Variants in DPP6 observed in about 807,000 individuals in gnomAD.
The protein encoded by DPP6 is dipeptidyl peptidase like 6.
DPP6 carries 69 observed loss-of-function variants against 122.6 expected under a neutral mutation model. That is an observed-to-expected ratio of 0.56 (90% CI 0.46 to 0.69). The LOEUF (loss-of-function observed/expected upper bound fraction) is 0.69, where lower values mean the gene tolerates loss of function less well. Among genes scored for constraint, DPP6 ranks in the 30% least tolerant of loss-of-function variants. The pLI is 0.00. For synonymous variants in DPP6, 418 were observed against 433.1 expected, an observed-to-expected ratio of 0.97 and a Z score of 0.43; for missense variants, 928 against 1,116.9, an observed-to-expected ratio of 0.83 and a Z score of 2.41.
chr7:153,761,969 G>A, the DPP6 span, among the ~76,000 whole-genome samples: 2 of 152,096 alleles, frequency 1.3e-5, no homozygotes, highest in East Asian at 1.9e-4. Flanking sequence ...GGAAAGAGTG[G>A]TCAGTGTGGT....
chr7:153,886,853 C>G (rs1162904083), upstream of DPP6, among the ~76,000 whole-genome samples: 2 of 152,168 alleles, frequency 1.3e-5, no homozygotes, highest in East Asian at 3.9e-4. Context: ...CCCGGCCTCT[C>G]CCTTCTCTCG....
intron 1 of DPP6, among the ~76,000 whole-genome samples, chr7:154,060,606 C>T (rs1286583464): frequency 1.2e-4 from 15 of 125,464 alleles, no homozygotes; most frequent in African/African-American, 4.6e-4. Flanking sequence ...TCCCTCTTCC[C>T]CCCCCTGGCT....
At chr7:154,517,364 G>A (rs139012985) in intron 3 of DPP6, among the ~76,000 whole-genome samples, 114 of 152,246 alleles carry the variant, frequency 7.5e-4, no homozygotes, top group African/African-American at 2.7e-3. Flanking sequence ...CTACAGATGA[G>A]CTTCTCCACA....
chr7:154,718,549 A>G (rs1039568436), intron 7 of DPP6, among the ~76,000 whole-genome samples: 1 of 146,914 alleles, frequency 6.8e-6, no homozygotes. Context: ...TTCTACTCCC[A>G]CACCCCCCCC....
At chr7:154,636,973 G>A (rs1835765461) in intron 5 of DPP6, among the ~76,000 whole-genome samples, 2 of 152,190 alleles carry the variant, frequency 1.3e-5, no homozygotes, top group South Asian at 2.1e-4. Context: ...AGGGTTGGGG[G>A]AAATGAAATA....
chr7:154,462,794 TC>T (rs1333244826), intron 2 of DPP6, among the ~76,000 whole-genome samples: 4 of 92,798 alleles, frequency 4.3e-5, no homozygotes, highest in East Asian at 3.9e-4. Context: ...ACGCTATCCC[TC>T]CCCCCTCCCC....
At chr7:154,662,113 T>C (rs1377906573) in intron 6 of DPP6, among the ~76,000 whole-genome samples, 2 of 150,954 alleles carry the variant, frequency 1.3e-5, no homozygotes, top group African/African-American at 4.9e-5. Flanking sequence ...CCATGGCATA[T>C]TGGCGCTAGT....
chr7:153,897,933 G>A (rs752969520), intron 1 of DPP6, among the ~76,000 whole-genome samples: 8 of 152,134 alleles, frequency 5.3e-5, no homozygotes, highest in African/African-American at 7.2e-5. Flanking sequence ...ATTCTGGACC[G>A]AAAAAGTAGA....
intron 1 of DPP6, among the ~76,000 whole-genome samples, chr7:154,022,374 G>C (rs1798745357): frequency 6.6e-6 from 1 of 152,178 alleles, no homozygotes; most frequent in Admixed American, 6.5e-5. Context: ...TGGAGAGTAG[G>C]GGACACTTGC....
chr7:154,166,477 A>T (rs1266323346), intron 1 of DPP6, among the ~76,000 whole-genome samples: 2 of 152,042 alleles, frequency 1.3e-5, no homozygotes, highest in African/African-American at 4.8e-5. Flanking sequence ...CCTGGCAGGG[A>T]GTGCTAGTAA....
chr7:154,510,101 C>A (rs1260061639), intron 3 of DPP6, among the ~76,000 whole-genome samples: 2 of 152,122 alleles, frequency 1.3e-5, no homozygotes, highest in African/African-American at 4.8e-5. Flanking sequence ...CGAATTCTAT[C>A]TCAATGAAGC....
intron 1 of DPP6, among the ~76,000 whole-genome samples, chr7:154,054,667 A>G (rs1168158740): frequency 6.6e-6 from 1 of 151,734 alleles, no homozygotes; most frequent in Admixed American, 6.6e-5. Flanking sequence ...GTCTTTGGCA[A>G]ATGGTTTAAT....
At chr7:154,830,203 C>T (rs759100373) in intron 16 of DPP6, among the ~76,000 whole-genome samples, 1 of 152,162 alleles carries the variant, frequency 6.6e-6, no homozygotes, top group East Asian at 1.9e-4. Flanking sequence ...ACATTCGCTG[C>T]TGCCTTTTTT....
rs34342809 is a variant in DPP6 at position 154,361,603 on chromosome 7, CAAAAAAAAAAA to C, written c.244-84600_244-84590del. Among the ~76,000 whole-genome samples the C allele has an allele frequency of 8.6e-5, 5 of 57,976 alleles. No homozygotes were observed. The South Asian group carries it at 1.9e-3, about 22-fold the overall frequency. The allele number at this position is 57,976 out of a possible 152,430, so 38.0% of individuals were successfully genotyped here. The stretch of plus-strand genomic sequence containing the variant: ...AGAAATCTTGAGAATAATTGCTAGC[CAAAAAAAAAAA>C]AAAAAAAAAAGAATTGGGGTCATAG... On this transcript the variant is annotated intron_variant, in intron 1 of 25. Transcript: ENST00000377770.
At chr7:154,083,754 G>A (rs1455806064) in intron 1 of DPP6, among the ~76,000 whole-genome samples, 1 of 150,708 alleles carries the variant, frequency 6.6e-6, no homozygotes, top group Non-Finnish European at 1.5e-5. Flanking sequence ...GCCAATCCCA[G>A]GTTCCATGCA....
At chr7:154,699,900 G>A (rs1840420066) in intron 7 of DPP6, among the ~76,000 whole-genome samples, 1 of 152,198 alleles carries the variant, frequency 6.6e-6, no homozygotes, top group South Asian at 2.1e-4. Flanking sequence ...AGTCTTCAGA[G>A]TGTGGGCTCT....
intron 1 of DPP6, among the ~76,000 whole-genome samples, chr7:153,932,652 GGATAAACTTCCTCCAGACCTGGGGAAGAA>G (rs915893173): frequency 6.6e-6 from 1 of 152,058 alleles, no homozygotes; most frequent in Non-Finnish European, 1.5e-5. Context: ...CTGGGGAAGA[GGATAAACTTCCTCCAGACCTGGGGAAGAA>G]GATAATCTGT....
chr7:154,093,635 T>TACACACACACACACACACACCATACAC (rs1805084722), intron 1 of DPP6: 1 of 145,248 alleles, frequency 6.9e-6, no homozygotes, highest in Non-Finnish European at 1.5e-5. Context: ...ACACACACCA[T>TACACACACACACACACACACCATACAC]ACACACACAC....
chr7:154,730,154 A>C (rs1032148627), intron 8 of DPP6, among the ~76,000 whole-genome samples: 1 of 152,196 alleles, frequency 6.6e-6, no homozygotes, highest in African/African-American at 2.4e-5. Context: ...CCTAGGAGCA[A>C]CTGGAAAACT....
Sources: allele counts gnomAD v4.1 joint callset (sites outside exome capture counted in the v4.1 genomes callset), GRCh38; gene constraint gnomAD v4.1.1; transcripts MANE v1.5; gene names NCBI Gene and HGNC (gene_info 2026-07-23, HGNC 2026-07-21).